The following TRPC4AP variants were observed in gnomAD, a reference collection of about 807,000 sequenced individuals.
TRPC4AP encodes the protein short transient receptor potential channel 4-associated protein.
In TRPC4AP, 45 loss-of-function variants were observed where a neutral mutation model predicts 99.0. The observed-to-expected ratio is 0.45, with a 90% CI of 0.36 to 0.58. The LOEUF (loss-of-function observed/expected upper bound fraction) is 0.58, where lower values mean the gene tolerates loss of function less well. Among genes scored for constraint, TRPC4AP ranks in the 20% least tolerant of loss-of-function variants. The probability of loss-of-function intolerance (pLI) is 0.00; values close to 1 mark genes in which losing one functional copy is unlikely to be tolerated. For missense variants in TRPC4AP, 879 were observed against 985.3 expected (o/e 0.89, Z 1.44); for synonymous variants, 408 against 385.8 (o/e 1.06, Z -0.67).
chr20:35,033,444 T>C (rs144378311), intron 8 of TRPC4AP, among the ~76,000 whole-genome samples: 17 of 152,306 alleles, frequency 1.1e-4, no homozygotes, highest in African/African-American at 2.6e-4. Flanking sequence ...CCATGATCTC[T>C]CTGTTAAGCT....
intron 9 of TRPC4AP, among the ~76,000 whole-genome samples, chr20:35,018,334 C>T (rs1257437844): frequency 3.9e-5 from 6 of 152,138 alleles, no homozygotes; most frequent in Non-Finnish European, 8.8e-5. Flanking sequence ...GTGGCTCACG[C>T]CTGTTAATCC....
At chr20:35,034,984 G>T in intron 8 of TRPC4AP, 139 bp downstream of exon 8, 1 of 865,458 alleles carries the variant, frequency 1.2e-6, no homozygotes. Flanking sequence ...AGTCTTAATA[G>T]TCATGGTCTA....
chr20:35,046,045 G>GGT (rs1351002465), intron 6 of TRPC4AP, among the ~76,000 whole-genome samples: 2 of 152,088 alleles, frequency 1.3e-5, no homozygotes, highest in East Asian at 3.9e-4. Flanking sequence ...CATTCTTACA[G>GGT]GTACTCTCTG....
At chr20:35,036,863 T>C (rs1040170833) in intron 7 of TRPC4AP, among the ~76,000 whole-genome samples, 1 of 150,880 alleles carries the variant, frequency 6.6e-6, no homozygotes, top group African/African-American at 2.4e-5. Context: ...TGAGAATTGC[T>C]TGAACCTGGG....
chr20:35,021,508 A>C (rs779264372), intron 8 of TRPC4AP, 152 bp from the exon 9 acceptor site: 1 of 852,746 alleles, frequency 1.2e-6, no homozygotes, highest in Non-Finnish European at 1.8e-6. Flanking sequence ...AACTCCCTCC[A>C]CAATCCCAGG....
intron 3 of TRPC4AP, among the ~76,000 whole-genome samples, chr20:35,061,538 T>C (rs2084007942): frequency 6.6e-6 from 1 of 152,196 alleles, no homozygotes; most frequent in Non-Finnish European, 1.5e-5. Context: ...AATCTTGATC[T>C]GTAAATACAA....
Position 35,016,066 on chromosome 20 carries a change from T to C in TRPC4AP, c.1292A>G (p.Lys431Arg). 1 of 1,614,208 alleles carries C rather than the reference T, an allele frequency of 6.2e-7. No individual in the cohort carries two copies. The highest frequency in any genetic ancestry group is 8.5e-7 in the Non-Finnish European group (1 of 1,180,030). ...NNLFDKLIWR[K>R]HSASALVLHG... ...GAGGACAAGGGCAGATGCTGAATGC[T>C]TCCTCCAAATCAGTTTGTCAAACAA... is the stretch of plus-strand genomic sequence containing the variant. Residue 431 changes from lysine (K) to arginine (R), a missense_variant, in exon 10 of 19, where the codon AAG (lysine) becomes AGG (arginine). Transcript: ENST00000252015.
chr20:35,080,583 C>A (rs183499925), intron 1 of TRPC4AP, among the ~76,000 whole-genome samples: 66 of 149,652 alleles, frequency 4.4e-4, no homozygotes, highest in South Asian at 3.0e-3. Flanking sequence ...CTCAAAAGGC[C>A]ATATATTGTC....
chr20:35,069,250 C>T (rs1180608449), intron 3 of TRPC4AP, 46 bp downstream of exon 3: 1 of 1,093,876 alleles, frequency 9.1e-7, no homozygotes, highest in Admixed American at 2.0e-5. Flanking sequence ...ATTCCCAAAC[C>T]ATTAAGCAGT....
intron 8 of TRPC4AP, among the ~76,000 whole-genome samples, chr20:35,025,038 T>A (rs1417964267): frequency 6.6e-6 from 1 of 152,090 alleles, no homozygotes; most frequent in Non-Finnish European, 1.5e-5. Context: ...GTTAACCCTT[T>A]GAGGAACTGC....
chr20:35,011,610 T>A (rs1386730976), intron 11 of TRPC4AP, among the ~76,000 whole-genome samples: 1 of 151,704 alleles, frequency 6.6e-6, no homozygotes, highest in Non-Finnish European at 1.5e-5. Flanking sequence ...GTATATAAAA[T>A]CCAGGCCTGT....
At position 35,049,872 on chromosome 20, in the gene TRPC4AP, A is replaced by G; in HGVS notation, c.651T>C (p.Val217=). The G allele has an allele frequency of 6.2e-7, 1 of 1,613,010 alleles. No homozygotes were observed. The highest frequency in any genetic ancestry group is 8.5e-7 in the Non-Finnish European group (1 of 1,179,468). Residue 217 remains valine, a synonymous_variant, in exon 6 of 19, where the codon GTT becomes GTC. Transcript: ENST00000252015. Reference sequence around the variant, plus strand: ...GCTAGAGGACACAGCTCACCTTTTTAACACCCAAAATATCTTCAATGAGGG... The same window carrying G: ...GCTAGAGGACACAGCTCACCTTTTTGACACCCAAAATATCTTCAATGAGGG... ...TATLIEDILG[V]KKEMIRLDEV...
intron 1 of TRPC4AP, among the ~76,000 whole-genome samples, chr20:35,086,575 G>GTGTATATATA (rs1555919531): frequency 0.013 from 1,127 of 89,768 alleles, 76 homozygotes; most frequent in East Asian, 0.088. Flanking sequence ...GTGTGTGTGT[G>GTGTATATATA]TATATATATA....
intron 2 of TRPC4AP, among the ~76,000 whole-genome samples, chr20:35,070,866 TA>T (rs1020203311): frequency 6.6e-6 from 1 of 152,102 alleles, no homozygotes; most frequent in Admixed American, 6.5e-5. Flanking sequence ...GGAACAAAGC[TA>T]AGAGGAAAAA....
chr20:35,057,568 G>T lies in TRPC4AP; in HGVS notation c.418C>A (p.Leu140Ile). Residue 140 changes from leucine (L) to isoleucine (I), a missense_variant, in exon 4 of 19, where the codon CTT becomes ATT. Transcript: ENST00000252015. The stretch of plus-strand genomic sequence containing the variant: ...GTAGGCCTCATAAGAATTTCTACAA[G>T]AAGCTATAAAAAAAATTAGATAAAA... ...IFDLFGGVDL[L>I]VEILMRPTIS... 1 of 1,607,976 alleles carries T rather than the reference G, an allele frequency of 6.2e-7. No individual in the cohort carries two copies. The highest frequency in any genetic ancestry group is 1.1e-5 in the South Asian group (1 of 90,288).
intron 5 of TRPC4AP, 89 bp downstream of exon 5, chr20:35,054,887 T>C (rs2083788741): frequency 1.7e-6 from 2 of 1,151,508 alleles, no homozygotes; most frequent in East Asian, 2.5e-5. Context: ...GCAGCTCTTA[T>C]GTCTGCCATT....
intron 9 of TRPC4AP, 84 bp from the exon 10 acceptor site, chr20:35,016,223 T>C: frequency 1.3e-6 from 2 of 1,523,220 alleles, no homozygotes; most frequent in South Asian, 1.2e-5. Flanking sequence ...CACACGATAA[T>C]GATATTCAGG....
In TRPC4AP at chr20:35,092,705, C is replaced by T. The variant is rs763240010; in HGVS notation, c.77G>A (p.Gly26Asp). Residue 26 changes from glycine to aspartate, a missense_variant, in exon 1 of 19, where the codon GGC (glycine) becomes GAC (aspartate). Physicochemically the swap from Gly to Asp is moderately conservative, Grantham distance 94. Transcript: ENST00000252015. ...RRSAATVAAW[G>D]GWGGRPRPGN... Reference sequence around the variant, plus strand: ...AGGCCGCGGCCGGCCGCCCCATCCGCCCCAAGCCGCCACTGTGGCTGCCGA... The same window carrying T: ...AGGCCGCGGCCGGCCGCCCCATCCGTCCCAAGCCGCCACTGTGGCTGCCGA... The T allele has an allele frequency of 2.7e-5, 42 of 1,552,156 alleles. No individual in the cohort carries two copies. In the African/African-American group the frequency reaches 3.9e-4, roughly 15 times the overall value.
At chr20:35,012,232 G>T (rs2082654786) in intron 11 of TRPC4AP, among the ~76,000 whole-genome samples, 1 of 152,258 alleles carries the variant, frequency 6.6e-6, no homozygotes, top group Non-Finnish European at 1.5e-5. Context: ...GGCCACAGCT[G>T]TCTCCAGGCA....
Sources: allele counts gnomAD v4.1 joint callset (sites outside exome capture counted in the v4.1 genomes callset), GRCh38; gene constraint gnomAD v4.1.1; transcripts MANE v1.5; gene names NCBI Gene and HGNC (gene_info 2026-07-23, HGNC 2026-07-21).